SLC35B4: variants seen among roughly 807,000 people sequenced by gnomAD.
SLC35B4 encodes solute carrier family 35 member B4, also known as nucleotide sugar transporter SLC35B4.
Under a neutral mutation model 39.5 loss-of-function variants are expected in SLC35B4, and 28 were observed. The observed-to-expected ratio is 0.71, with a 90% CI of 0.53 to 0.97. The LOEUF (loss-of-function observed/expected upper bound fraction) is 0.97. SLC35B4 is among the 50% of genes least tolerant of loss of function. The pLI, the probability that SLC35B4 is intolerant of heterozygous loss-of-function variation, is 0.00. For synonymous variants in SLC35B4, 145 were observed against 150.4 expected, an observed-to-expected ratio of 0.96 and a Z score of 0.26; for missense variants, 334 against 414.3, an observed-to-expected ratio of 0.81 and a Z score of 1.68.
chr7:134,296,670 A>C (rs1803475773), intron 8 of SLC35B4, among the ~76,000 whole-genome samples: 2 of 152,356 alleles, frequency 1.3e-5, no homozygotes, highest in South Asian at 4.1e-4. Flanking sequence ...TCTTAAAACA[A>C]ATAATAGTTT....
chr7:134,305,064 G>A (rs2544217), intron 3 of SLC35B4, among the ~76,000 whole-genome samples: 73,710 of 152,072 alleles, frequency 0.48, 18,193 homozygotes, highest in Admixed American at 0.55. Flanking sequence ...GCTCACGCCC[G>A]TAATCCCAGC....
Position 134,289,576 on chromosome 7 carries a change from C to T in SLC35B4, c.*5257G>A, listed in dbSNP as rs908159636. ...CAGACGGGATGAATAAAATCCCCGC[C>T]GTCCCTCCCCACCACATAATTTGTT... On this transcript the variant is annotated 3_prime_UTR_variant, in exon 10 of 10. Transcript: ENST00000378509. 1 of 152,580 alleles carries T rather than the reference C, an allele frequency of 6.6e-6. No homozygotes were observed. The highest frequency in any genetic ancestry group is 2.4e-5 in the African/African-American group (1 of 41,430). 9.5% of individuals were successfully genotyped at this position (152,580 alleles called of 1,614,324 possible). A position where few individuals can be genotyped will look rare whatever the true frequency, so the allele number is the denominator to read the frequency against.
Position 134,306,758 on chromosome 7 carries a change from C to T in SLC35B4, c.208G>A (p.Val70Met). The T allele has an allele frequency of 1.2e-6, 2 of 1,613,582 alleles. No homozygotes were observed. Among genetic ancestry groups the T allele is most frequent in the Non-Finnish European group, 1.7e-6 (2 of 1,179,796 alleles). ...ACGCTCACGGTGAAGAACATGGTCA[C>T]CATTATGGCATAGTACCTGAAATGC... is the stretch of plus-strand genomic sequence containing the variant. ...AIPIRYYAIM[V>M]TMFFTVSVVN... The change falls in exon 3 of 10, where the codon GTG (valine) becomes ATG (methionine). Residue 70 changes from valine (V) to methionine (M), a missense_variant. By Grantham distance (21) the Val-to-Met change is conservative. Transcript: ENST00000378509.
chr7:134,301,673 C>T (rs1803584434), intron 6 of SLC35B4, 88 bp downstream of exon 6: 2 of 1,238,704 alleles, frequency 1.6e-6, no homozygotes, highest in Non-Finnish European at 2.4e-6. Context: ...TTAGCTGAAG[C>T]TTCTTGCCAA....
chr7:134,299,405 C>T (rs781776911), intron 8 of SLC35B4, 118 bp downstream of exon 8: 66 of 661,464 alleles, frequency 1.0e-4, no homozygotes, highest in Non-Finnish European at 1.4e-4. Flanking sequence ...GAGACATTTT[C>T]GAAAGGAACA....
In SLC35B4 at chr7:134,294,653, T is replaced by C. The variant is rs1803414885; in HGVS notation, c.*180A>G. The C allele has an allele frequency of 6.1e-6, 4 of 650,480 alleles. No individual in the cohort carries two copies. In the South Asian group the frequency reaches 6.3e-5, roughly 10 times the overall value. The allele number at this position is 650,480 out of a possible 1,614,324, so 40.3% of individuals were successfully genotyped here. A position where few individuals can be genotyped will look rare whatever the true frequency, so the allele number is the denominator to read the frequency against. On this transcript the variant is annotated 3_prime_UTR_variant, in exon 10 of 10. Coordinates refer to ENST00000378509, the MANE Select transcript of SLC35B4 (RefSeq NM_032826.5). ...TTTTTCTATTTTAGGGCTGAGGGGT[T>C]TCTATTTAGTCTACATGTGTCAGTC...
At chr7:134,307,023 A>G (rs1803725959) in intron 2 of SLC35B4, among the ~76,000 whole-genome samples, 1 of 152,248 alleles carries the variant, frequency 6.6e-6, no homozygotes, top group African/African-American at 2.4e-5. Context: ...TCAAGTATAC[A>G]TAGCAACTTA....
At chr7:134,300,287 GATGTCTGC>G in intron 6 of SLC35B4, 26 bp from the exon 7 acceptor site, 1 of 1,502,942 alleles carries the variant, frequency 6.7e-7, no homozygotes, top group South Asian at 1.2e-5. Flanking sequence ...CAGGTGACAA[GATGTCTGC>G]ATTTGTTCAT....
chr7:134,317,032 A>C (rs1804003910), upstream of SLC35B4: 2 of 416,884 alleles, frequency 4.8e-6, no homozygotes, highest in Non-Finnish European at 8.6e-6. Flanking sequence ...TTACCTCAGG[A>C]TGCGACGTTC....
chr7:134,319,322 A>C (rs1342137240), upstream of SLC35B4, among the ~76,000 whole-genome samples: 1 of 152,216 alleles, frequency 6.6e-6, no homozygotes, highest in Non-Finnish European at 1.5e-5. Flanking sequence ...CATATAACAC[A>C]GTCTCACCTT....
chr7:134,294,408 G>A lies in SLC35B4; in HGVS notation c.*425C>T. On this transcript the variant is annotated 3_prime_UTR_variant, in exon 10 of 10. Coordinates refer to ENST00000378509, the MANE Select transcript of SLC35B4 (RefSeq NM_032826.5). ...GTGAGGTGCTGCTGAAGAAGGAAAA[G>A]GTGATGGGAGACAAAAGGGATAAGG... The A allele has an allele frequency of 6.0e-6, 1 of 166,180 alleles. No homozygotes were observed. Among genetic ancestry groups the A allele is most frequent in the Admixed American group, 5.6e-5 (1 of 17,736 alleles). The allele number at this position is 166,180 out of a possible 1,614,324, so 10.3% of individuals were successfully genotyped here.
rs1803331873 is a variant in SLC35B4, at chr7:134,291,666, G to A, written c.*3167C>T. 2 of 152,118 alleles carry A rather than the reference G, an allele frequency of 1.3e-5. No homozygotes were observed. The highest frequency in any genetic ancestry group is 4.8e-5 in the African/African-American group (2 of 41,408). The allele number at this position is 152,118 out of a possible 1,614,324, so 9.4% of individuals were successfully genotyped here. Reference sequence around the variant, plus strand: ...TCAAAATACTGCAGCGTTTCACTGTGGTTAACAGGATGGAAAGGAGGAAAA... The same window carrying A: ...TCAAAATACTGCAGCGTTTCACTGTAGTTAACAGGATGGAAAGGAGGAAAA... On this transcript the variant is annotated 3_prime_UTR_variant, in exon 10 of 10. Coordinates refer to ENST00000378509, the MANE Select transcript of SLC35B4 (RefSeq NM_032826.5).
At chr7:134,300,834 AAT>A (rs1435262430) in intron 6 of SLC35B4, among the ~76,000 whole-genome samples, 30 of 152,178 alleles carry the variant, frequency 2.0e-4, no homozygotes, top group African/African-American at 6.5e-4. Context: ...ATTATATAAA[AAT>A]AGTTGTTTTA....
chr7:134,301,925 T>G, intron 5 of SLC35B4, 104 bp from the exon 6 acceptor site: 1 of 1,510,630 alleles, frequency 6.6e-7, no homozygotes, highest in Non-Finnish European at 9.1e-7. Flanking sequence ...CCCTCTTCTC[T>G]TTCAAAATCT....
At chr7:134,319,481 G>A (rs894209236), upstream of SLC35B4, among the ~76,000 whole-genome samples, 2 of 152,080 alleles carry the variant, frequency 1.3e-5, no homozygotes, top group African/African-American at 4.8e-5. Flanking sequence ...CTCCTCCTCT[G>A]ACCACTGGGT....
intron 1 of SLC35B4, among the ~76,000 whole-genome samples, chr7:134,310,706 G>C (rs1643101): frequency 0.49 from 73,657 of 151,694 alleles, 18,217 homozygotes; most frequent in Admixed American, 0.55. Flanking sequence ...CACCAGGCCC[G>C]GCTAATTTTT....
chr7:134,319,862 C>T (rs1804066397), upstream of SLC35B4, among the ~76,000 whole-genome samples: 1 of 152,164 alleles, frequency 6.6e-6, no homozygotes. Context: ...CCCATCGGTT[C>T]CACCTCACAA....
At chr7:134,313,831 A>G (rs1303103711) in intron 1 of SLC35B4, among the ~76,000 whole-genome samples, 1 of 152,234 alleles carries the variant, frequency 6.6e-6, no homozygotes, top group African/African-American at 2.4e-5. Flanking sequence ...ATAAAGTCAC[A>G]AATTCCAAGG....
intron 1 of SLC35B4, among the ~76,000 whole-genome samples, chr7:134,313,675 T>C (rs926169830): frequency 6.6e-6 from 1 of 152,244 alleles, no homozygotes; most frequent in Non-Finnish European, 1.5e-5. Flanking sequence ...AAAAATGTCC[T>C]CTTCTTCCTG....
Sources: allele counts gnomAD v4.1 joint callset (sites outside exome capture counted in the v4.1 genomes callset), GRCh38; gene constraint gnomAD v4.1.1; transcripts MANE v1.5; gene names NCBI Gene and HGNC (gene_info 2026-07-23, HGNC 2026-07-21).